Variants in NMT2 observed in about 807,000 individuals in gnomAD.
NMT2 encodes the protein glycylpeptide N-tetradecanoyltransferase 2.
In NMT2, 35 loss-of-function variants were observed where a neutral mutation model predicts 65.4. The observed-to-expected ratio is 0.54, with a 90% confidence interval of 0.41 to 0.71. The LOEUF (loss-of-function observed/expected upper bound fraction) is 0.71. NMT2 is among the 30% of genes least tolerant of loss of function. The pLI, the probability that NMT2 is intolerant of heterozygous loss-of-function variation, is 0.00. For missense variants in NMT2, 489 were observed against 611.3 expected, an observed-to-expected ratio of 0.80 and a Z score of 2.11; for synonymous variants, 226 against 231.8, an observed-to-expected ratio of 0.98 and a Z score of 0.23.
At chr10:15,165,059 A>T (rs933894855) in intron 1 of NMT2, among the ~76,000 whole-genome samples, 1 of 151,928 alleles carries the variant, frequency 6.6e-6, no homozygotes, top group Non-Finnish European at 1.5e-5. Context: ...GCTACTTGGG[A>T]GGCTGAGGCA....
intron 9 of NMT2, among the ~76,000 whole-genome samples, chr10:15,113,463 CA>C (rs1169255963): frequency 0.014 from 502 of 36,984 alleles, no homozygotes; most frequent in Middle Eastern, 0.02. Context: ...GGATGAGACT[CA>C]AAAAAAAAAA....
At chr10:15,115,557 A>G (rs978689324) in intron 9 of NMT2, among the ~76,000 whole-genome samples, 1 of 151,428 alleles carries the variant, frequency 6.6e-6, no homozygotes, top group Non-Finnish European at 1.5e-5. Context: ...GAAGAAACAT[A>G]AAGAAACCAA....
At chr10:15,129,428 T>A (rs577884277) in intron 7 of NMT2, among the ~76,000 whole-genome samples, 1 of 152,238 alleles carries the variant, frequency 6.6e-6, no homozygotes, top group Non-Finnish European at 1.5e-5. Flanking sequence ...CTGTGAAAGC[T>A]TGACTAGTGC....
intron 8 of NMT2, among the ~76,000 whole-genome samples, chr10:15,120,210 C>A (rs571623122): frequency 1.3e-4 from 20 of 152,332 alleles, no homozygotes; most frequent in African/African-American, 4.8e-4. Flanking sequence ...GTAATCCCAG[C>A]ACTTTGGGAG....
rs1845358522 is a variant in NMT2 at position 15,107,837 on chromosome 10, C to G, written c.*1358G>C. ...TCTTATTTTTCCCGCAGATTATTGG[C>G]AATATAAACACACATCTGTAAGCCA... is the stretch of plus-strand genomic sequence containing the variant. On this transcript the variant is annotated 3_prime_UTR_variant, in exon 12 of 12. Transcript: ENST00000378165. 15 of 985,600 alleles carry G rather than the reference C, an allele frequency of 1.5e-5. No individual in the cohort carries two copies. The highest frequency in any genetic ancestry group is 5.2e-4 in the Middle Eastern group (1 of 1,936). 61.1% of individuals were successfully genotyped at this position (985,600 alleles called of 1,614,324 possible). A position where few individuals can be genotyped will look rare whatever the true frequency, so the allele number is the denominator to read the frequency against.
intron 1 of NMT2, among the ~76,000 whole-genome samples, chr10:15,151,301 C>T (rs980568486): frequency 4.6e-5 from 7 of 152,156 alleles, no homozygotes; most frequent in Admixed American, 2.6e-4. Context: ...AGGTCATCTG[C>T]CCGCCTCGGC....
intron 1 of NMT2, among the ~76,000 whole-genome samples, chr10:15,151,817 G>C (rs1832813651): frequency 6.6e-6 from 1 of 152,146 alleles, no homozygotes; most frequent in South Asian, 2.1e-4. Context: ...CTAAGGTCAG[G>C]AGTTCAAGAC....
intron 1 of NMT2, among the ~76,000 whole-genome samples, chr10:15,148,173 T>C (rs1372444282): frequency 6.6e-6 from 1 of 152,188 alleles, no homozygotes; most frequent in Non-Finnish European, 1.5e-5. Context: ...TTAACCTCTC[T>C]GTGCTCCAGT....
chr10:15,155,362 A>G (rs770940850), intron 1 of NMT2: 57 of 808,978 alleles, frequency 7.0e-5, no homozygotes, highest in Middle Eastern at 4.8e-4. Context: ...GCGTCTGCAA[A>G]GCCTTTTTTG....
intron 1 of NMT2, 22 bp downstream of exon 1, chr10:15,168,480 GT>G: frequency 6.4e-7 from 1 of 1,553,160 alleles, no homozygotes. Context: ...GTCGCGCCCG[GT>G]GCGCCAGCGC....
chr10:15,122,452 C>G (rs2131510598), intron 8 of NMT2, among the ~76,000 whole-genome samples: 2 of 151,720 alleles, frequency 1.3e-5, no homozygotes, highest in South Asian at 4.2e-4. Context: ...GAGTCTTACT[C>G]TGTCGCCCAG....
At position 15,161,081 on chromosome 10, in the gene NMT2, C is replaced by CAAAAAAAAAAAAAAAAAAA. The variant is rs750859200; in HGVS notation, c.110+7403_110+7421dup. Among the ~76,000 whole-genome samples, 13 of 19,282 alleles carry CAAAAAAAAAAAAAAAAAAA rather than the reference C, an allele frequency of 6.7e-4. 2 individuals are homozygous for CAAAAAAAAAAAAAAAAAAA. The highest frequency in any genetic ancestry group is 1.2e-3 in the African/African-American group (7 of 5,752). 12.6% of individuals were successfully genotyped at this position (19,282 alleles called of 152,430 possible). ...CAGAGCGAGACTCTGCCTCAAAAAT[C>CAAAAAAAAAAAAAAAAAAA]AAAAAAAAAAAAAAAAAAAAAAAAA... is the stretch of plus-strand genomic sequence containing the variant. On this transcript the variant is annotated intron_variant, in intron 1 of 11. Transcript: ENST00000378165.
At chr10:15,151,059 C>CTTTTTTTT (rs200879621) in intron 1 of NMT2, among the ~76,000 whole-genome samples, 1 of 139,892 alleles carries the variant, frequency 7.1e-6, no homozygotes, top group African/African-American at 2.7e-5. Context: ...TAGCTTCCTC[C>CTTTTTTTT]TTTTTTTTTT....
At position 15,107,685 on chromosome 10, in the gene NMT2, C is replaced by A. The variant is rs1294452705; in HGVS notation, c.*1510G>T. 1 of 775,388 alleles carries A rather than the reference C, an allele frequency of 1.3e-6. No individual in the cohort carries two copies. The highest frequency in any genetic ancestry group is 1.3e-4 in the East Asian group (1 of 7,820). 48.0% of individuals were successfully genotyped at this position (775,388 alleles called of 1,614,324 possible). A position where few individuals can be genotyped will look rare whatever the true frequency, so the allele number is the denominator to read the frequency against. On this transcript the variant is annotated 3_prime_UTR_variant, in exon 12 of 12. Transcript: ENST00000378165. ...GGCCAGGCTGGTCTCGAACCCCTGA[C>A]CTCAAATGTTTCGCCCGCCTTGGCC...
chr10:15,138,372 A>T (rs1478756650), intron 2 of NMT2: 1 of 471,032 alleles, frequency 2.1e-6, no homozygotes, highest in Non-Finnish European at 4.4e-6. Context: ...CACAGGGACA[A>T]AGCAGTAAGG....
chr10:15,108,602 C>A lies in NMT2; in HGVS notation c.*593G>T. On this transcript the variant is annotated 3_prime_UTR_variant, in exon 12 of 12. Transcript: ENST00000378165. Reference sequence around the variant, plus strand: ...CATGTTTATTGATTCGGCAACTCTGCTTATGGAGAAATACATGTACTAGTC... The same window carrying A: ...CATGTTTATTGATTCGGCAACTCTGATTATGGAGAAATACATGTACTAGTC... 2.0e-6 allele frequency: 2 copies of A among 985,978 alleles called. No homozygotes were observed. The highest frequency in any genetic ancestry group is 2.4e-6 in the Non-Finnish European group (2 of 830,394). The allele number at this position is 985,978 out of a possible 1,614,324, so 61.1% of individuals were successfully genotyped here. A position where few individuals can be genotyped will look rare whatever the true frequency, so the allele number is the denominator to read the frequency against.
At chr10:15,133,175 G>A (rs367943615) in intron 4 of NMT2, 31 bp from the exon 5 acceptor site, 6 of 1,602,786 alleles carry the variant, frequency 3.7e-6, no homozygotes, top group Non-Finnish European at 5.1e-6. Context: ...CCTATCCATG[G>A]TGCTCAGAAT....
chr10:15,144,741 A>G lies in NMT2; in HGVS notation c.111-3184T>C, dbSNP rs928044783. Among the ~76,000 whole-genome samples, 5 of 152,166 alleles carry G rather than the reference A, an allele frequency of 3.3e-5. No homozygotes were observed. The East Asian group carries it at 9.6e-4, about 29-fold the overall frequency. On this transcript the variant is annotated intron_variant, in intron 1 of 11. Coordinates refer to ENST00000378165, the MANE Select transcript of NMT2 (RefSeq NM_004808.3). ...GCGAGACTCCGTCTCAAAAAAAAAA[A>G]AGAAAGAGCCAGTGCTGGGGAGGAT...
intron 9 of NMT2, among the ~76,000 whole-genome samples, chr10:15,117,540 G>C (rs1365474024): frequency 2.0e-5 from 3 of 152,154 alleles, no homozygotes; most frequent in African/African-American, 7.2e-5. Context: ...GGAAGATCTA[G>C]GTCCTGCATT....
Sources: gnomAD v4.1 joint callset for allele counts (sites outside exome capture counted in the v4.1 genomes callset) on GRCh38, gnomAD v4.1.1 for gene constraint, MANE v1.5 for transcripts, NCBI Gene and HGNC (gene_info 2026-07-23, HGNC 2026-07-21) for gene names.